DNAH6: variants seen among roughly 807,000 people sequenced by gnomAD.
The protein encoded by DNAH6 is dynein axonemal heavy chain 6.
Under a neutral mutation model 491.4 loss-of-function variants are expected in DNAH6, and 340 were observed. The observed-to-expected ratio is 0.69, with a 90% confidence interval of 0.63 to 0.76. DNAH6 has a LOEUF of 0.76. DNAH6 is among the 30% of genes least tolerant of loss of function. DNAH6 has a pLI of 0.00. For synonymous variants in DNAH6, 1,603 were observed against 1,686.1 expected (o/e 0.95, Z 1.21); for missense variants, 4,443 against 4,972.2 (o/e 0.89, Z 3.20).
intron 3 of DNAH6, among the ~76,000 whole-genome samples, chr2:84,527,031 T>C (rs543145121): frequency 1.3e-5 from 2 of 152,096 alleles, no homozygotes; most frequent in South Asian, 2.1e-4. Context: ...ATATGAAAAA[T>C]GGGATGTTTT....
At chr2:84,649,714 A>T (rs1055014198) in intron 33 of DNAH6, among the ~76,000 whole-genome samples, 1 of 152,050 alleles carries the variant, frequency 6.6e-6, no homozygotes, top group African/African-American at 2.4e-5. Flanking sequence ...AACTATAAAA[A>T]GGAATGAGAT....
intron 18 of DNAH6, among the ~76,000 whole-genome samples, chr2:84,599,618 C>T (rs574884621): frequency 1.6e-4 from 25 of 152,266 alleles, no homozygotes; most frequent in Admixed American, 1.4e-3. Flanking sequence ...TGACTATCCT[C>T]CCCAGGCACT....
intron 10 of DNAH6, among the ~76,000 whole-genome samples, chr2:84,556,951 A>G (rs12998777): frequency 0.1 from 15,506 of 152,254 alleles, 960 homozygotes; most frequent in Non-Finnish European, 0.13. Context: ...CTGTACTTCT[A>G]CTTTTGAACC....
intron 17 of DNAH6, among the ~76,000 whole-genome samples, chr2:84,594,428 A>G (rs1298286006): frequency 6.6e-6 from 1 of 152,208 alleles, no homozygotes; most frequent in African/African-American, 2.4e-5. Flanking sequence ...TGATCTACAC[A>G]CTTTAGATTT....
At chr2:84,794,328 G>A (rs1678093196) in intron 68 of DNAH6, among the ~76,000 whole-genome samples, 1 of 151,642 alleles carries the variant, frequency 6.6e-6, no homozygotes, top group South Asian at 2.1e-4. Context: ...TTGACAAATG[G>A]GATCTAATTA....
At chr2:84,620,843 T>A (rs1573249840) in intron 24 of DNAH6, among the ~76,000 whole-genome samples, 2 of 152,288 alleles carry the variant, frequency 1.3e-5, no homozygotes, top group East Asian at 3.9e-4. Context: ...AGAACTGAAG[T>A]GTCATTTGGA....
intron 12 of DNAH6, among the ~76,000 whole-genome samples, chr2:84,574,026 A>T (rs1262715909): frequency 2.0e-5 from 3 of 152,214 alleles, no homozygotes; most frequent in South Asian, 2.1e-4. Context: ...TAGTCATGAA[A>T]TAAGACCTAG....
intron 16 of DNAH6, among the ~76,000 whole-genome samples, chr2:84,593,435 A>T (rs1684292043): frequency 6.6e-6 from 1 of 152,194 alleles, no homozygotes. Context: ...TCATGAAAAC[A>T]CCTTCTTCAG....
chr2:84,782,306 G>A (rs1256646936), intron 65 of DNAH6, among the ~76,000 whole-genome samples: 2 of 152,160 alleles, frequency 1.3e-5, no homozygotes, highest in Non-Finnish European at 2.9e-5. Context: ...AATTGTGTGG[G>A]TCCCACTCTA....
chr2:84,590,944 C>T (rs750752096), intron 16 of DNAH6, among the ~76,000 whole-genome samples: 1 of 152,170 alleles, frequency 6.6e-6, no homozygotes, highest in Admixed American at 6.5e-5. Context: ...AGGTTGGAAC[C>T]GCTGAGAACA....
upstream of DNAH6, among the ~76,000 whole-genome samples, chr2:84,514,867 T>TCACACACACACACACACACACACACA (rs58335460): frequency 7.2e-6 from 1 of 139,006 alleles, no homozygotes; most frequent in African/African-American, 2.8e-5. Context: ...TTCACCACAG[T>TCACACACACACACACACACACACACA]CACACACACA....
intron 21 of DNAH6, among the ~76,000 whole-genome samples, chr2:84,608,701 C>A (rs572108151): frequency 1.1e-5 from 1 of 93,164 alleles, no homozygotes; most frequent in East Asian, 4.4e-4. Context: ...TGGCATAATT[C>A]TTAAGGGCCT....
intron 46 of DNAH6, among the ~76,000 whole-genome samples, chr2:84,696,544 A>G (rs1366507407): frequency 2.6e-5 from 4 of 152,042 alleles, no homozygotes; most frequent in Non-Finnish European, 5.9e-5. Context: ...CACAAGACAC[A>G]TAAGAAAATG....
At chr2:84,517,757 C>A in intron 1 of DNAH6, 62 bp from the exon 2 acceptor site, 1 of 1,294,896 alleles carries the variant, frequency 7.7e-7, no homozygotes, top group Non-Finnish European at 1.1e-6. Flanking sequence ...TCTCCAGTAG[C>A]CTCCTTCCCC....
At chr2:84,731,781 A>T (rs1253566620) in intron 61 of DNAH6, among the ~76,000 whole-genome samples, 1 of 152,202 alleles carries the variant, frequency 6.6e-6, no homozygotes, top group African/African-American at 2.4e-5. Context: ...TTTGCCAGAG[A>T]TAACTTAGGA....
chr2:84,593,696 T>TA (rs1684316069), intron 16 of DNAH6, among the ~76,000 whole-genome samples: 1 of 152,238 alleles, frequency 6.6e-6, no homozygotes, highest in South Asian at 2.1e-4. Context: ...GTGTTACTCT[T>TA]ATAATATTTA....
intron 37 of DNAH6, among the ~76,000 whole-genome samples, chr2:84,664,886 G>A (rs1452959334): frequency 2.0e-5 from 3 of 152,128 alleles, no homozygotes; most frequent in Non-Finnish European, 2.9e-5. Context: ...AACAGAAATT[G>A]TAACAAACTG....
At chr2:84,590,631 C>T (rs1029435110) in intron 16 of DNAH6, among the ~76,000 whole-genome samples, 3 of 152,084 alleles carry the variant, frequency 2.0e-5, no homozygotes, top group Admixed American at 1.3e-4. Flanking sequence ...GACACACTGA[C>T]TCAACAACCC....
chr2:84,685,459 G>A lies in DNAH6; in HGVS notation c.7050G>A (p.Leu2350=), dbSNP rs1469234619. 3 of 1,483,298 alleles carry A rather than the reference G, an allele frequency of 2.0e-6. No individual in the cohort carries two copies. Among genetic ancestry groups the A allele is most frequent in the Non-Finnish European group, 2.7e-6 (3 of 1,110,138 alleles). The allele number at this position is 1,483,298 out of a possible 1,614,324, so 91.9% of individuals were successfully genotyped here. ...ATAAGCACTATTTCCATGTTATTCTGACAGAAATGGCCAGTAAATATGAAT... is the reference window on the plus strand; with the variant it reads ...ATAAGCACTATTTCCATGTTATTCTAACAGAAATGGCCAGTAAATATGAAT... ...NEDKHYFHVI[L]TEMANKHFGI... Residue 2350 remains leucine (L), a synonymous_variant, in exon 43 of 77, where the codon CTG becomes CTA. Coordinates refer to ENST00000389394, the MANE Select transcript of DNAH6 (RefSeq NM_001370.2).
Sources: allele counts gnomAD v4.1 joint callset (sites outside exome capture counted in the v4.1 genomes callset), GRCh38; gene constraint gnomAD v4.1.1; transcripts MANE v1.5; gene names NCBI Gene and HGNC (gene_info 2026-07-23, HGNC 2026-07-21).